PRR11: variants seen among roughly 807,000 people sequenced by gnomAD.
PRR11 encodes proline rich 11.
In PRR11, 30 loss-of-function variants were observed where a neutral mutation model predicts 45.6. The observed-to-expected ratio is 0.66, with a 90% CI of 0.49 to 0.89. The LOEUF is 0.89. Among genes scored for constraint, PRR11 ranks in the 40% least tolerant of loss-of-function variants. PRR11 has a pLI of 0.00. For missense variants in PRR11, 373 were observed against 424.8 expected (o/e 0.88, Z 1.07); for synonymous variants, 128 against 153.5 (o/e 0.83, Z 1.23).
chr17:59,169,281 A>G (rs771224538), intron 1 of PRR11, among the ~76,000 whole-genome samples: 7 of 151,848 alleles, frequency 4.6e-5, no homozygotes, highest in Non-Finnish European at 8.8e-5. Flanking sequence ...TATTTTTAGT[A>G]GAGACGGGGT....
chr17:59,158,051 C>A (rs192116194), intron 1 of PRR11, among the ~76,000 whole-genome samples: 1 of 152,252 alleles, frequency 6.6e-6, no homozygotes, highest in Non-Finnish European at 1.5e-5. Flanking sequence ...AAGGAACCTT[C>A]AAATACTTTT....
intron 1 of PRR11, among the ~76,000 whole-genome samples, chr17:59,163,117 C>T (rs919389708): frequency 3.4e-5 from 5 of 147,414 alleles, no homozygotes; most frequent in African/African-American, 1.3e-4. Flanking sequence ...TTTAGATGGA[C>T]TCTCGTTCTA....
rs1442192745 is a variant in PRR11, at chr17:59,204,669, C to T, written c.*3038C>T. On this transcript the variant is annotated 3_prime_UTR_variant, in exon 10 of 10. Transcript: ENST00000262293. ...TGCAGTGAGCCAAGATCACACCACT[C>T]CACTCCAGTCTGGACAACAGAGTGA... The T allele has an allele frequency of 6.6e-6, 1 of 151,102 alleles. No homozygotes were observed. The highest frequency in any genetic ancestry group is 1.5e-5 in the Non-Finnish European group (1 of 68,096). 9.4% of individuals were successfully genotyped at this position (151,102 alleles called of 1,614,324 possible). A position where few individuals can be genotyped will look rare whatever the true frequency, so the allele number is the denominator to read the frequency against.
At position 59,206,147 on chromosome 17, in the gene PRR11, G is replaced by A. The variant is rs1311989381; in HGVS notation, c.*4516G>A. ...TTTGGGAGGCTAAGGCAGGAGGTTC[G>A]CTTGAGGCCAAGAGTTCAAAACAAG... On this transcript the variant is annotated 3_prime_UTR_variant, in exon 10 of 10. Coordinates refer to ENST00000262293, the MANE Select transcript of PRR11 (RefSeq NM_018304.4). Among the ~76,000 whole-genome samples the A allele has an allele frequency of 3.9e-5, 6 of 152,044 alleles. No homozygotes were observed. The highest frequency in any genetic ancestry group is 2.1e-4 in the South Asian group (1 of 4,822).
At chr17:59,178,657 T>C (rs1568322117) in intron 2 of PRR11, 6 of 505,910 alleles carry the variant, frequency 1.2e-5, no homozygotes, top group Non-Finnish European at 2.0e-5. Context: ...GTGAGGTGGA[T>C]GGGAAAGAGG....
At chr17:59,179,625 G>A in intron 2 of PRR11, 4 of 1,514,412 alleles carry the variant, frequency 2.6e-6, no homozygotes, top group Non-Finnish European at 3.6e-6. Flanking sequence ...AGGATTGGAG[G>A]TGCTCTCTGG....
At chr17:59,175,666 C>T (rs2046740719) in intron 2 of PRR11, among the ~76,000 whole-genome samples, 1 of 152,112 alleles carries the variant, frequency 6.6e-6, no homozygotes, top group Non-Finnish European at 1.5e-5. Context: ...TACATGAACC[C>T]AGGAGGAGGA....
At chr17:59,178,655 G>A (rs900998980) in intron 2 of PRR11, 11 of 506,742 alleles carry the variant, frequency 2.2e-5, no homozygotes, top group African/African-American at 2.1e-4. Context: ...AGGTGAGGTG[G>A]ATGGGAAAGA....
intron 1 of PRR11, among the ~76,000 whole-genome samples, chr17:59,159,653 C>A (rs548140235): frequency 6.6e-6 from 1 of 152,318 alleles, no homozygotes; most frequent in East Asian, 1.9e-4. Flanking sequence ...CTTCATCACT[C>A]ATTGCCCCCT....
Position 59,185,157 on chromosome 17 carries a change from A to G in PRR11, c.232A>G (p.Asn78Asp). Residue 78 changes from asparagine (N) to aspartate (D), a missense_variant, in exon 3 of 10, where the codon AAT becomes GAT. Physicochemically the swap from Asn to Asp is conservative, Grantham distance 23. Transcript: ENST00000262293. ...NIRDAIKLWT[N>D]RVWSIYSWCQ... is the part of the protein sequence containing the mutation. ...CAGAGATGCAATAAAACTTTGGACA[A>G]ATAGAGTATGGTCTATATACAGCTG... is the stretch of plus-strand genomic sequence containing the variant. 6.2e-7 allele frequency: 1 copy of G among 1,614,122 alleles called. No homozygotes were observed. The highest frequency in any genetic ancestry group is 1.1e-5 in the South Asian group (1 of 91,082).
At chr17:59,177,871 G>A (rs1451960081) in intron 2 of PRR11, among the ~76,000 whole-genome samples, 1 of 152,146 alleles carries the variant, frequency 6.6e-6, no homozygotes, top group Non-Finnish European at 1.5e-5. Context: ...CGAGCATGAT[G>A]GCATGTGCCT....
At chr17:59,174,027 A>G (rs1217756800) in intron 2 of PRR11, among the ~76,000 whole-genome samples, 2 of 152,138 alleles carry the variant, frequency 1.3e-5, no homozygotes, top group African/African-American at 4.8e-5. Context: ...TGAGAAATCA[A>G]ATTTTATCTC....
chr17:59,182,850 C>A (rs2046795621), intron 2 of PRR11, among the ~76,000 whole-genome samples: 1 of 152,162 alleles, frequency 6.6e-6, no homozygotes, highest in Admixed American at 6.5e-5. Context: ...CGGTTGATGG[C>A]TGGTCATGAT....
At chr17:59,199,675 G>A (rs141593827) in intron 9 of PRR11, among the ~76,000 whole-genome samples, 179 of 152,296 alleles carry the variant, frequency 1.2e-3, no homozygotes, top group Non-Finnish European at 2.0e-3. Context: ...TTTATAGTTC[G>A]TTCTCTCTCT....
intron 4 of PRR11, among the ~76,000 whole-genome samples, chr17:59,188,713 T>C (rs1370863366): frequency 6.6e-6 from 1 of 151,814 alleles, no homozygotes; most frequent in African/African-American, 2.4e-5. Context: ...CCAAAGTGGA[T>C]GGATCACTTG....
At chr17:59,184,073 C>T (rs896927259) in intron 2 of PRR11, among the ~76,000 whole-genome samples, 3 of 152,086 alleles carry the variant, frequency 2.0e-5, no homozygotes, top group African/African-American at 7.2e-5. Flanking sequence ...CCACCGCACT[C>T]CAGTCTAGGC....
At chr17:59,170,159 G>A (rs2046700671) in intron 2 of PRR11, among the ~76,000 whole-genome samples, 2 of 151,946 alleles carry the variant, frequency 1.3e-5, no homozygotes, top group Non-Finnish European at 2.9e-5. Flanking sequence ...GACTTAGGCA[G>A]GAGAATTGCT....
rs191070415 is a variant in PRR11 at position 59,180,280 on chromosome 17, G to A, written c.129-4774G>A. ...CAAGTAGCTGGGATTACAGGTGCCC[G>A]TAATAACGCCCAGCTCATTTTTGTT... is the stretch of plus-strand genomic sequence containing the variant. On this transcript the variant is annotated intron_variant, in intron 2 of 9. Coordinates refer to ENST00000262293, the MANE Select transcript of PRR11 (RefSeq NM_018304.4). Among the ~76,000 whole-genome samples the A allele has an allele frequency of 1.9e-4, 28 of 151,028 alleles. 1 individual carries two copies. Among genetic ancestry groups the A allele is most frequent in the African/African-American group, 6.4e-4 (26 of 40,806 alleles).
At chr17:59,193,946 G>A (rs1263418934) in intron 5 of PRR11, among the ~76,000 whole-genome samples, 1 of 152,122 alleles carries the variant, frequency 6.6e-6, no homozygotes, top group Non-Finnish European at 1.5e-5. Flanking sequence ...AAAGTGATGT[G>A]TGTGAAACCC....
Sources: allele counts gnomAD v4.1 joint callset (sites outside exome capture counted in the v4.1 genomes callset), GRCh38; gene constraint gnomAD v4.1.1; transcripts MANE v1.5; gene names NCBI Gene and HGNC (gene_info 2026-07-23, HGNC 2026-07-21).